The following C10orf90 variants were observed in gnomAD, a reference collection of about 807,000 sequenced individuals.
The protein encoded by C10orf90 is chromosome 10 open reading frame 90.
C10orf90 carries 56 observed loss-of-function variants against 62.5 expected under a neutral mutation model. The observed-to-expected ratio is 0.90, with a 90% CI of 0.72 to 1.12. The LOEUF (loss-of-function observed/expected upper bound fraction) is 1.12, where lower values mean the gene tolerates loss of function less well. Among genes scored for constraint, C10orf90 ranks in the 50% most tolerant of loss-of-function variants. C10orf90 has a pLI of 0.00. For synonymous variants in C10orf90, 386 were observed against 340.4 expected (o/e 1.13, Z -1.47); for missense variants, 970 against 880.4 (o/e 1.10, Z -1.29).
chr10:126,568,127 G>A (rs1302795120), intron 2 of C10orf90, among the ~76,000 whole-genome samples: 1 of 152,124 alleles, frequency 6.6e-6, no homozygotes, highest in Non-Finnish European at 1.5e-5. Context: ...GTAGTTTTCT[G>A]CTGCTGTCTA....
intron 2 of C10orf90, among the ~76,000 whole-genome samples, chr10:126,539,513 C>A (rs1202597882): frequency 6.6e-6 from 1 of 152,138 alleles, no homozygotes; most frequent in Admixed American, 6.5e-5. Flanking sequence ...TGAATAAATG[C>A]ATTTTAGTGA....
intron 2 of C10orf90, among the ~76,000 whole-genome samples, chr10:126,625,510 G>T (rs1845725234): frequency 6.6e-6 from 1 of 152,126 alleles, no homozygotes; most frequent in Non-Finnish European, 1.5e-5. Flanking sequence ...AGAGTCGAGG[G>T]TTCTTTTAGG....
intron 3 of C10orf90, among the ~76,000 whole-genome samples, chr10:126,510,535 T>C (rs780334601): frequency 6.6e-5 from 10 of 152,244 alleles, no homozygotes; most frequent in Non-Finnish European, 1.2e-4. Flanking sequence ...AAAAGGAGGA[T>C]GAAAATCATC....
At chr10:126,440,377 C>T (rs1004576979) in intron 7 of C10orf90, among the ~76,000 whole-genome samples, 4 of 152,076 alleles carry the variant, frequency 2.6e-5, no homozygotes, top group Non-Finnish European at 4.4e-5. Context: ...CCACAGCAGC[C>T]GCAGCAAGAC....
In C10orf90 at chr10:126,448,621, G is replaced by T. The variant is rs71490770; in HGVS notation, c.2188+10419C>A. Among the ~76,000 whole-genome samples, 622 of 151,992 alleles carry T rather than the reference G, an allele frequency of 4.1e-3. 3 individuals carry two copies. The highest frequency in any genetic ancestry group is 6.8e-3 in the Non-Finnish European group (464 of 67,922). ...CAACTGAAAATTGTTTTTTTGAAAA[G>T]ATAAACAAAATTGACAAATCTCTAG... On this transcript the variant is annotated intron_variant, in intron 7 of 9. Transcript: ENST00000488181.
At chr10:126,490,319 G>A (rs1275563181) in intron 4 of C10orf90, among the ~76,000 whole-genome samples, 1 of 151,348 alleles carries the variant, frequency 6.6e-6, no homozygotes, top group African/African-American at 2.4e-5. Context: ...TACCTAGAGT[G>A]GTCACATTCA....
chr10:126,461,120 C>A (rs1252591836), intron 6 of C10orf90, among the ~76,000 whole-genome samples: 1 of 152,126 alleles, frequency 6.6e-6, no homozygotes, highest in African/African-American at 2.4e-5. Context: ...TAGGAAGTGA[C>A]CTGTGGAATG....
At position 126,465,420 on chromosome 10, in the gene C10orf90, TATG is replaced by T. The variant is rs775437427; in HGVS notation, c.1535-437_1535-435del. Among the ~76,000 whole-genome samples the T allele has an allele frequency of 5.8e-4, 87 of 151,032 alleles. 1 individual carries two copies. The East Asian group carries it at 0.016, about 27-fold the overall frequency. ...CAAATTATATCTTTTATATAATTTA[TATG>T]ATTATATTGTATATAACAACATATC... is the stretch of plus-strand genomic sequence containing the variant. On this transcript the variant is annotated intron_variant, in intron 4 of 9. Transcript: ENST00000488181.
At chr10:126,464,556 C>T (rs1236758633) in intron 5 of C10orf90, 140 bp downstream of exon 5, 1 of 998,540 alleles carries the variant, frequency 1.0e-6, no homozygotes, top group African/African-American at 1.6e-5. Flanking sequence ...CCATTTGTCC[C>T]CTCTCTGCTC....
intron 4 of C10orf90, among the ~76,000 whole-genome samples, chr10:126,483,141 C>A (rs2133809373): frequency 6.6e-6 from 1 of 152,298 alleles, no homozygotes; most frequent in East Asian, 1.9e-4. Flanking sequence ...AACAGCTCAC[C>A]AGGTTGATAG....
At chr10:126,528,887 T>G (rs1016604638) in intron 2 of C10orf90, among the ~76,000 whole-genome samples, 1 of 152,212 alleles carries the variant, frequency 6.6e-6, no homozygotes, top group Non-Finnish European at 1.5e-5. Flanking sequence ...TCAACAAGAC[T>G]GCCATTTGGA....
intron 4 of C10orf90, among the ~76,000 whole-genome samples, chr10:126,490,890 TA>T (rs200312134): frequency 0.079 from 11,937 of 152,060 alleles, 635 homozygotes; most frequent in South Asian, 0.19. Flanking sequence ...AAAAAGTACG[TA>T]AAAAAATTGT....
chr10:126,428,106 G>A (rs1341464493), intron 8 of C10orf90, among the ~76,000 whole-genome samples: 1 of 151,998 alleles, frequency 6.6e-6, no homozygotes, highest in Non-Finnish European at 1.5e-5. Context: ...TCACAGAAGG[G>A]GCTCACAGAC....
intron 3 of C10orf90, among the ~76,000 whole-genome samples, chr10:126,512,328 ATGTG>A (rs1286330227): frequency 7.1e-6 from 1 of 141,012 alleles, no homozygotes; most frequent in South Asian, 2.3e-4. Context: ...TGTGTGTTCT[ATGTG>A]TGTGTATGTG....
At chr10:126,664,424 A>G (rs1175055579) in intron 1 of C10orf90, among the ~76,000 whole-genome samples, 1 of 152,134 alleles carries the variant, frequency 6.6e-6, no homozygotes, top group Admixed American at 6.5e-5. Flanking sequence ...ATCTCTTGTA[A>G]TGCCCCCAGC....
At chr10:126,530,590 C>T (rs1336511588) in intron 2 of C10orf90, among the ~76,000 whole-genome samples, 3 of 151,738 alleles carry the variant, frequency 2.0e-5, no homozygotes, top group Non-Finnish European at 2.9e-5. Flanking sequence ...TATCAAAAAT[C>T]GTCCCATAAA....
intron 7 of C10orf90, among the ~76,000 whole-genome samples, chr10:126,434,000 C>A (rs1379749372): frequency 6.6e-6 from 1 of 152,170 alleles, no homozygotes; most frequent in Non-Finnish European, 1.5e-5. Flanking sequence ...TTCTATATTT[C>A]TGGAAAATAC....
intron 2 of C10orf90, among the ~76,000 whole-genome samples, chr10:126,573,622 A>T (rs1349428441): frequency 6.6e-6 from 1 of 151,974 alleles, no homozygotes; most frequent in Non-Finnish European, 1.5e-5. Context: ...CAGCCCCCAC[A>T]CTTCTGTACT....
chr10:126,486,459 C>G (rs992524111), intron 4 of C10orf90, among the ~76,000 whole-genome samples: 6 of 152,120 alleles, frequency 3.9e-5, no homozygotes, highest in Non-Finnish European at 8.8e-5. Context: ...AAGCAAAAGT[C>G]AGTAGAGACA....
Sources: gnomAD v4.1 joint callset for allele counts (sites outside exome capture counted in the v4.1 genomes callset) on GRCh38, gnomAD v4.1.1 for gene constraint, MANE v1.5 for transcripts, NCBI Gene and HGNC (gene_info 2026-07-23, HGNC 2026-07-21) for gene names.